POLA1: variants seen among roughly 807,000 people sequenced by gnomAD.
POLA1 encodes the protein DNA polymerase alpha catalytic subunit.
Under a neutral mutation model 124.0 loss-of-function variants are expected in POLA1, and 15 were observed. The ratio of observed to expected loss-of-function variants is 0.12; its 90% CI spans 0.08 to 0.19. The LOEUF (loss-of-function observed/expected upper bound fraction) is 0.19, where lower values mean the gene tolerates loss of function less well. Among genes scored for constraint, POLA1 ranks in the 10% least tolerant of loss-of-function variants. The pLI is 1.00. For synonymous variants in POLA1, 408 were observed against 389.4 expected (o/e 1.05, Z -0.56); for missense variants, 886 against 1,103.4 (o/e 0.80, Z 2.79).
At chrX:24,782,000 C>G (rs1421855041) in intron 26 of POLA1, among the ~76,000 whole-genome samples, 1 of 111,543 alleles carries the variant, frequency 9.0e-6, no homozygotes, top group South Asian at 3.8e-4. Flanking sequence ...ATGCACTGTT[C>G]TAGGCACAGG....
At chrX:24,739,650 G>A in intron 20 of POLA1, 100 bp downstream of exon 20, 1 of 480,895 alleles carries the variant, frequency 2.1e-6, no homozygotes, top group Non-Finnish European at 3.4e-6. Flanking sequence ...AGCCAGTGGT[G>A]TTGTAGAGGG....
intron 35 of POLA1, among the ~76,000 whole-genome samples, chrX:24,926,887 C>T (rs914535046): frequency 2.7e-5 from 3 of 109,388 alleles, no homozygotes; most frequent in Non-Finnish European, 3.8e-5. Context: ...GCTGGAGTGC[C>T]GTGGCGTGAT....
Position 24,996,346 on chromosome X carries a change from G to A in POLA1, c.*396G>A, listed in dbSNP as rs922184185. ...CCCCACATAAAGAGAGCTTCTCAGA[G>A]CCTGACTGAAGAGCTGACGTTTTGC... On this transcript the variant is annotated 3_prime_UTR_variant, in exon 37 of 37. Coordinates refer to ENST00000379068, the MANE Select transcript of POLA1 (RefSeq NM_001330360.2). The A allele has an allele frequency of 1.6e-5, 2 of 122,466 alleles. No individual in the cohort carries two copies. Among genetic ancestry groups the A allele is most frequent in the African/African-American group, 6.4e-5 (2 of 31,274 alleles). The allele number at this position is 122,466 out of a possible 1,213,427, so 10.1% of individuals were successfully genotyped here. A position where few individuals can be genotyped will look rare whatever the true frequency, so the allele number is the denominator to read the frequency against.
intron 36 of POLA1, among the ~76,000 whole-genome samples, chrX:24,980,212 A>G (rs896424780): frequency 8.9e-5 from 10 of 111,959 alleles, no homozygotes; most frequent in Admixed American, 6.6e-4. Context: ...ACGACTATGC[A>G]TTTTGATGTT....
intron 34 of POLA1, among the ~76,000 whole-genome samples, chrX:24,850,281 A>ATTGTTGCCTATTG (rs2046539632): frequency 8.9e-6 from 1 of 112,423 alleles, no homozygotes; most frequent in East Asian, 2.8e-4. Flanking sequence ...ATCTCATTGT[A>ATTGTTGCCTATTG]AGTAATTTAT....
At chrX:24,840,856 A>G (rs2046400023) in intron 32 of POLA1, among the ~76,000 whole-genome samples, 1 of 112,258 alleles carries the variant, frequency 8.9e-6, no homozygotes, top group Non-Finnish European at 1.9e-5. Flanking sequence ...TATAAATTCA[A>G]ATAGTAAATT....
At chrX:24,952,232 A>G (rs890870880) in intron 36 of POLA1, among the ~76,000 whole-genome samples, 8 of 111,914 alleles carry the variant, frequency 7.1e-5, no homozygotes, top group African/African-American at 2.6e-4. Flanking sequence ...TTTTTCCTCA[A>G]TTAGTAATTT....
chrX:24,995,294 C>G (rs1214371078), intron 36 of POLA1, among the ~76,000 whole-genome samples: 1 of 111,289 alleles, frequency 9.0e-6, no homozygotes, highest in Non-Finnish European at 1.9e-5. Context: ...CACCTCTCGC[C>G]TCTTTCAGCA....
chrX:24,894,799 T>G (rs921049335), intron 35 of POLA1, among the ~76,000 whole-genome samples: 1 of 108,452 alleles, frequency 9.2e-6, no homozygotes, highest in African/African-American at 3.4e-5. Flanking sequence ...TTTTTTTTTT[T>G]TTTGTGAGAC....
At chrX:24,888,736 C>T (rs1270762207) in intron 35 of POLA1, among the ~76,000 whole-genome samples, 1 of 105,649 alleles carries the variant, frequency 9.5e-6, no homozygotes, top group African/African-American at 3.5e-5. Flanking sequence ...CCACTGCGCC[C>T]AGCTAATTTT....
chrX:24,882,666 G>A (rs1178117899), intron 34 of POLA1, among the ~76,000 whole-genome samples: 1 of 103,460 alleles, frequency 9.7e-6, no homozygotes, highest in Non-Finnish European at 2.0e-5. Flanking sequence ...TTTTATGGCT[G>A]CATACTATAT....
chrX:24,951,335 ACCTC>A (rs2048038766), intron 36 of POLA1, among the ~76,000 whole-genome samples: 1 of 44,380 alleles, frequency 2.3e-5, no homozygotes, highest in Non-Finnish European at 4.1e-5. Context: ...TTCTTTAAAC[ACCTC>A]CCTACCCCCC....
intron 35 of POLA1, among the ~76,000 whole-genome samples, chrX:24,895,397 T>C (rs764445112): frequency 1.8e-5 from 2 of 111,975 alleles, no homozygotes; most frequent in Admixed American, 9.5e-5. Flanking sequence ...CTGCACACGC[T>C]TCTGAAGCCA....
intron 26 of POLA1, among the ~76,000 whole-genome samples, chrX:24,776,490 C>T (rs1229299735): frequency 8.9e-6 from 1 of 111,825 alleles, no homozygotes; most frequent in Non-Finnish European, 1.9e-5. Flanking sequence ...GTGCCTTTCT[C>T]AACCTTGTTA....
chrX:24,829,907 G>A (rs1460207422), intron 32 of POLA1, among the ~76,000 whole-genome samples: 3 of 112,229 alleles, frequency 2.7e-5, no homozygotes, highest in South Asian at 3.7e-4. Context: ...AACTGACACC[G>A]TTAAATAAGT....
At chrX:24,781,479 A>G (rs1340074528) in intron 26 of POLA1, among the ~76,000 whole-genome samples, 3 of 111,968 alleles carry the variant, frequency 2.7e-5, no homozygotes, top group Non-Finnish European at 5.6e-5. Flanking sequence ...ATTGAGCAGC[A>G]CTGTTTATTC....
chrX:24,890,386 T>G (rs1055098687), intron 35 of POLA1, among the ~76,000 whole-genome samples: 1 of 111,634 alleles, frequency 9.0e-6, no homozygotes, highest in Non-Finnish European at 1.9e-5. Context: ...ACACCTGGCC[T>G]CCAGTACCAA....
intron 25 of POLA1, 68 bp downstream of exon 25, chrX:24,748,528 A>G (rs1051095785): frequency 3.3e-6 from 3 of 922,620 alleles, no homozygotes; most frequent in Admixed American, 5.6e-5. Context: ...ATTTATGAGT[A>G]AACAGGATGC....
At chrX:24,710,055 C>T (rs1460394025) in intron 4 of POLA1, among the ~76,000 whole-genome samples, 1 of 104,083 alleles carries the variant, frequency 9.6e-6, no homozygotes, top group Non-Finnish European at 2.0e-5. Flanking sequence ...TCCTTGCCCT[C>T]GGGCCCCGTG....
Sources: gnomAD v4.1 joint callset for allele counts (sites outside exome capture counted in the v4.1 genomes callset) on GRCh38, gnomAD v4.1.1 for gene constraint, MANE v1.5 for transcripts, NCBI Gene and HGNC (gene_info 2026-07-23, HGNC 2026-07-21) for gene names.